MAP3K1: variants seen among roughly 807,000 people sequenced by gnomAD.
MAP3K1 encodes the protein mitogen-activated protein kinase kinase kinase 1, also known as MAP/ERK kinase kinase 1.
In MAP3K1, 36 loss-of-function variants were observed where a neutral mutation model predicts 144.2. The ratio of observed to expected loss-of-function variants is 0.25; its 90% confidence interval spans 0.19 to 0.33. The LOEUF (loss-of-function observed/expected upper bound fraction) is 0.33, where lower values mean the gene tolerates loss of function less well. Ranked by LOEUF, MAP3K1 falls within the 10% of genes least tolerant of loss-of-function variation. The pLI is 1.00. For missense variants in MAP3K1, 1,650 were observed against 1,881.9 expected (o/e 0.88, Z 2.28); for synonymous variants, 718 against 688.7 (o/e 1.04, Z -0.67).
At chr5:56,886,132 A>AGT in intron 17 of MAP3K1, 69 bp downstream of exon 17, 2 of 1,258,528 alleles carry the variant, frequency 1.6e-6, no homozygotes, top group South Asian at 2.4e-5. Flanking sequence ...GGCCAGGCAC[A>AGT]GTGGCTCACA....
intron 1 of MAP3K1, among the ~76,000 whole-genome samples, chr5:56,836,551 G>A (rs910437957): frequency 4.6e-5 from 7 of 152,246 alleles, no homozygotes; most frequent in South Asian, 2.1e-4. Flanking sequence ...TGTGATTAAC[G>A]CTTTGGGCAT....
chr5:56,823,966 AATT>A (rs1434867415), intron 1 of MAP3K1, among the ~76,000 whole-genome samples: 4 of 152,204 alleles, frequency 2.6e-5, no homozygotes, highest in Non-Finnish European at 4.4e-5. Context: ...GCATTAATAT[AATT>A]ATTCTTATTT....
chr5:56,891,795 A>C (rs559724414), intron 19 of MAP3K1, among the ~76,000 whole-genome samples: 42 of 152,168 alleles, frequency 2.8e-4, no homozygotes, highest in South Asian at 2.1e-3. Flanking sequence ...ATAGGGAATC[A>C]TTTCCCCATT....
At chr5:56,830,074 T>C (rs1038035395) in intron 1 of MAP3K1, among the ~76,000 whole-genome samples, 4 of 152,154 alleles carry the variant, frequency 2.6e-5, no homozygotes, top group Non-Finnish European at 4.4e-5. Context: ...TTGGACTAAG[T>C]GTTGGTGATA....
In MAP3K1 at chr5:56,831,062, T is replaced by C. The variant is rs1008487516; in HGVS notation, c.482+15007T>C. On this transcript the variant is annotated intron_variant, in intron 1 of 19. Transcript: ENST00000399503. ...ATTCCCATATGCTTAAGTAGTCATGTGTGTCAGATCTTTTCAAGTACAGTG... is the reference window on the plus strand; with the variant it reads ...ATTCCCATATGCTTAAGTAGTCATGCGTGTCAGATCTTTTCAAGTACAGTG... 3.3e-5 allele frequency among the ~76,000 whole-genome samples: 5 copies of C among 152,186 alleles called. No homozygotes were observed. In the South Asian group the frequency reaches 8.3e-4, roughly 25 times the overall value.
chr5:56,874,549 CT>C (rs1395233419), intron 9 of MAP3K1, among the ~76,000 whole-genome samples: 15 of 152,266 alleles, frequency 9.9e-5, no homozygotes, highest in African/African-American at 3.6e-4. Flanking sequence ...ATGTGTTTTG[CT>C]TATTGCTCTT....
chr5:56,860,197 G>T (rs919943360), intron 3 of MAP3K1, among the ~76,000 whole-genome samples: 48 of 152,126 alleles, frequency 3.2e-4, no homozygotes, highest in African/African-American at 1.1e-3. Context: ...GGCTACAACT[G>T]TAGAAACTAT....
chr5:56,852,743 C>T (rs546330157), intron 1 of MAP3K1, among the ~76,000 whole-genome samples: 9 of 152,124 alleles, frequency 5.9e-5, no homozygotes, highest in African/African-American at 2.2e-4. Context: ...AATAACTCCC[C>T]GAAACATTCA....
intron 10 of MAP3K1, among the ~76,000 whole-genome samples, chr5:56,876,457 A>G (rs1025864137): frequency 1.3e-5 from 2 of 152,170 alleles, no homozygotes; most frequent in Non-Finnish European, 2.9e-5. Flanking sequence ...GATTGGGCCT[A>G]ATGAATCTTC....
chr5:56,817,829 G>T (rs1746026034), intron 1 of MAP3K1, among the ~76,000 whole-genome samples: 1 of 152,188 alleles, frequency 6.6e-6, no homozygotes, highest in African/African-American at 2.4e-5. Flanking sequence ...TATAGTAGAA[G>T]AGCATCCACT....
Position 56,881,661 on chromosome 5 carries a change from T to C in MAP3K1, c.2461T>C (p.Leu821=), listed in dbSNP as rs200158170. 1.1e-5 allele frequency: 18 copies of C among 1,614,088 alleles called. No individual in the cohort carries two copies. The highest frequency in any genetic ancestry group is 1.5e-5 in the Non-Finnish European group (18 of 1,179,954). Residue 821 remains leucine, a synonymous_variant, in exon 14 of 20, where the codon TTG becomes CTG. Transcript: ENST00000399503. ...TGGCAAACTTTCCAGAAGGATCTAC[T>C]TGAGTTCTGCAAGAATGGTTACTAC... is the stretch of plus-strand genomic sequence containing the variant. The part of the protein sequence containing the change: ...MVGKLSRRIY[L]SSARMVTTVP...
At chr5:56,825,310 G>T (rs1746278883) in intron 1 of MAP3K1, among the ~76,000 whole-genome samples, 1 of 152,120 alleles carries the variant, frequency 6.6e-6, no homozygotes, top group South Asian at 2.1e-4. Flanking sequence ...ACCATGCCCG[G>T]CCAGGTCTAG....
At chr5:56,856,052 T>C (rs1747335457) in intron 1 of MAP3K1, among the ~76,000 whole-genome samples, 1 of 152,242 alleles carries the variant, frequency 6.6e-6, no homozygotes, top group Non-Finnish European at 1.5e-5. Flanking sequence ...ATAATTTTTA[T>C]TCTTTATAGA....
At chr5:56,823,363 C>A (rs252906) in intron 1 of MAP3K1, among the ~76,000 whole-genome samples, 76,530 of 152,004 alleles carry the variant, frequency 0.5, 21,483 homozygotes, top group Non-Finnish European at 0.65. Flanking sequence ...AAGTCAGCTC[C>A]TCGTTGTTAA....
rs1488648968 is a variant in MAP3K1, at chr5:56,887,400, C to T, written c.4137C>T (p.Ser1379=). 1 of 1,614,138 alleles carries T rather than the reference C, an allele frequency of 6.2e-7. No homozygotes were observed. The highest frequency in any genetic ancestry group is 1.7e-5 in the Admixed American group (1 of 60,014). The part of the protein sequence containing the change: ...DVKGANLLID[S]TGQRLRIADF... ...CAGGTGCCAATTTGCTAATTGACAG[C>T]ACTGGTCAGAGACTAAGAATTGCAG... The change falls in exon 18 of 20, where the codon AGC becomes AGT. Residue 1379 remains serine, a synonymous_variant. Coordinates refer to ENST00000399503, the MANE Select transcript of MAP3K1 (RefSeq NM_005921.2).
chr5:56,827,140 A>G (rs753346017), intron 1 of MAP3K1, among the ~76,000 whole-genome samples: 13 of 152,312 alleles, frequency 8.5e-5, no homozygotes, highest in Middle Eastern at 3.4e-3. Flanking sequence ...GAGGACTGCA[A>G]GTGTAGTTCA....
At chr5:56,871,816 A>T (rs1747861004) in intron 6 of MAP3K1, 94 bp from the exon 7 acceptor site, 3 of 1,141,070 alleles carry the variant, frequency 2.6e-6, no homozygotes, top group Admixed American at 3.6e-5. Context: ...TTTCTAATGT[A>T]TTTATATTCT....
chr5:56,817,722 C>G (rs1746021710), intron 1 of MAP3K1, among the ~76,000 whole-genome samples: 1 of 152,120 alleles, frequency 6.6e-6, no homozygotes, highest in Admixed American at 6.5e-5. Flanking sequence ...TTTTTAACCC[C>G]AAATTTAAGA....
chr5:56,821,093 A>G (rs989252690), intron 1 of MAP3K1, among the ~76,000 whole-genome samples: 13 of 152,202 alleles, frequency 8.5e-5, no homozygotes, highest in African/African-American at 2.9e-4. Context: ...CGAAAACAAC[A>G]TGGAGAAATA....
Sources: gnomAD v4.1 joint callset for allele counts (sites outside exome capture counted in the v4.1 genomes callset) on GRCh38, gnomAD v4.1.1 for gene constraint, MANE v1.5 for transcripts, NCBI Gene and HGNC (gene_info 2026-07-23, HGNC 2026-07-21) for gene names.